Variants in WFDC1 observed in about 807,000 individuals in gnomAD.
The protein encoded by WFDC1 is WAP four-disulfide core domain 1, also known as WAP four-disulfide core domain protein 1.
A neutral mutation model predicts 32.9 loss-of-function variants in WFDC1; 39 were observed. The observed-to-expected ratio is 1.19, with a 90% CI of 0.92 to 1.55. WFDC1 has a LOEUF of 1.55. Among genes scored for constraint, WFDC1 ranks in the 40% most tolerant of loss-of-function variants. WFDC1 has a pLI of 0.00. For missense variants in WFDC1, 386 were observed against 309.5 expected (o/e 1.25, Z -1.85); for synonymous variants, 184 against 137.4 (o/e 1.34, Z -2.37).
At chr16:84,296,096 G>T (rs1221440635) in intron 1 of WFDC1, among the ~76,000 whole-genome samples, 1 of 152,172 alleles carries the variant, frequency 6.6e-6, no homozygotes, top group South Asian at 2.1e-4. Context: ...CCACCCCCCA[G>T]AGATCACAGA....
At chr16:84,308,320 C>G (rs1037919448) in intron 1 of WFDC1, among the ~76,000 whole-genome samples, 34 of 152,288 alleles carry the variant, frequency 2.2e-4, no homozygotes, top group African/African-American at 7.9e-4. Context: ...GTGCCCCCTG[C>G]AGGGCACTGG....
chr16:84,301,647 GC>G (rs1167284250), intron 1 of WFDC1, among the ~76,000 whole-genome samples: 3 of 152,206 alleles, frequency 2.0e-5, no homozygotes, highest in East Asian at 1.9e-4. Context: ...CTGCCTGGGT[GC>G]TGGAGAGAGG....
At chr16:84,297,921 G>A (rs1906705308) in intron 1 of WFDC1, among the ~76,000 whole-genome samples, 1 of 152,002 alleles carries the variant, frequency 6.6e-6, no homozygotes, top group Admixed American at 6.6e-5. Context: ...AGACTTCCCC[G>A]TGAGGCACCA....
rs1056241814 is a variant in WFDC1 at position 84,313,148 on chromosome 16, C to T, written c.332C>T (p.Pro111Leu). 4.9e-6 allele frequency: 7 copies of T among 1,431,064 alleles called. No homozygotes were observed. In the African/African-American group the frequency reaches 9.0e-5, roughly 18 times the overall value. 88.6% of individuals were successfully genotyped at this position (1,431,064 alleles called of 1,614,324 possible). A position where few individuals can be genotyped will look rare whatever the true frequency, so the allele number is the denominator to read the frequency against. Residue 111 changes from proline (P) to leucine (L), a missense_variant, in exon 2 of 7, where the codon CCG becomes CTG. Coordinates refer to ENST00000219454, the MANE Select transcript of WFDC1 (RefSeq NM_021197.4). ...AYACLEAVPP[P>L]PVLDWLVQPK... is the part of the protein sequence containing the mutation. ...GCCTGCCTAGAAGCTGTGCCGCCCC[C>T]GCCAGGTAGGTCCTGGGCCCGAGGG...
In WFDC1 at chr16:84,294,899, C is replaced by G; in HGVS notation, c.-73C>G. 6.4e-7 allele frequency: 1 copy of G among 1,562,558 alleles called. No homozygotes were observed. The highest frequency in any genetic ancestry group is 8.7e-7 in the Non-Finnish European group (1 of 1,155,326). ...CAGCAGACTGTGCACGCTCCTGTCC[C>G]CACTCACAGGCCCACGCAGCGAGGG... On this transcript the variant is annotated 5_prime_UTR_variant, in exon 1 of 7. Coordinates refer to ENST00000219454, the MANE Select transcript of WFDC1 (RefSeq NM_021197.4).
intron 4 of WFDC1, among the ~76,000 whole-genome samples, chr16:84,320,255 G>A (rs1237480153): frequency 3.3e-5 from 5 of 152,210 alleles, no homozygotes; most frequent in East Asian, 1.9e-4. Flanking sequence ...GCTCGGCTAA[G>A]GTATGGTGTT....
At chr16:84,312,794 CCTT>C (rs1291328481) in intron 1 of WFDC1, among the ~76,000 whole-genome samples, 164 bp from the exon 2 acceptor site, 1 of 152,194 alleles carries the variant, frequency 6.6e-6, no homozygotes, top group Non-Finnish European at 1.5e-5. Context: ...TATCTTCTGA[CCTT>C]CTGAGCCGCC....
chr16:84,306,427 AAG>A (rs1907262848), intron 1 of WFDC1, among the ~76,000 whole-genome samples: 1 of 152,188 alleles, frequency 6.6e-6, no homozygotes, highest in Non-Finnish European at 1.5e-5. Flanking sequence ...CAGTGTGCGG[AAG>A]CCTCCAAGGC....
chr16:84,298,093 T>TA (rs1906717755), intron 1 of WFDC1, among the ~76,000 whole-genome samples: 1 of 152,160 alleles, frequency 6.6e-6, no homozygotes, highest in South Asian at 2.1e-4. Flanking sequence ...AACTAAGTTA[T>TA]ATAAACTTAC....
intron 2 of WFDC1, among the ~76,000 whole-genome samples, chr16:84,314,287 G>GC (rs1376276652): frequency 8.5e-5 from 13 of 152,124 alleles, no homozygotes; most frequent in Non-Finnish European, 1.5e-4. Context: ...GACAGTAAGT[G>GC]GGGAGTAGGG....
intron 2 of WFDC1, among the ~76,000 whole-genome samples, chr16:84,315,640 A>T (rs1373341213): frequency 1.3e-5 from 2 of 152,212 alleles, no homozygotes; most frequent in East Asian, 3.8e-4. Context: ...CGTGCACTGT[A>T]GGATGGTCAG....
At chr16:84,303,815 C>T (rs559113706) in intron 1 of WFDC1, among the ~76,000 whole-genome samples, 7 of 152,180 alleles carry the variant, frequency 4.6e-5, no homozygotes, top group African/African-American at 1.7e-4. Flanking sequence ...AGCCATTAGC[C>T]GTCAGTCCTC....
intron 4 of WFDC1, among the ~76,000 whole-genome samples, chr16:84,323,035 G>A (rs1489183427): frequency 6.6e-6 from 1 of 152,166 alleles, no homozygotes; most frequent in Non-Finnish European, 1.5e-5. Flanking sequence ...GTCTCCTTGT[G>A]GTGTTATGGG....
intron 3 of WFDC1, 171 bp from the exon 4 acceptor site, chr16:84,319,260 G>A (rs1013493858): frequency 7.4e-5 from 59 of 799,206 alleles, no homozygotes; most frequent in Non-Finnish European, 8.6e-5. Context: ...GCCACATGCC[G>A]CTGAGTGAGA....
chr16:84,325,756 A>G (rs1294477643), intron 5 of WFDC1: 1 of 151,246 alleles, frequency 6.6e-6, no homozygotes, highest in Non-Finnish European at 1.5e-5. Context: ...CTATCTTTTC[A>G]TCTACCCATC....
intron 1 of WFDC1, among the ~76,000 whole-genome samples, chr16:84,303,745 T>C (rs893150439): frequency 1.3e-5 from 2 of 152,252 alleles, no homozygotes; most frequent in Non-Finnish European, 2.9e-5. Context: ...CTCAGAGTCA[T>C]GCAACCGTCC....
intron 4 of WFDC1, among the ~76,000 whole-genome samples, chr16:84,319,772 G>A (rs560744303): frequency 5.3e-5 from 8 of 152,096 alleles, no homozygotes; most frequent in Admixed American, 2.6e-4. Flanking sequence ...GCATGTGACC[G>A]AAGCTCTTGA....
At position 84,329,744 on chromosome 16, in the gene WFDC1, T is replaced by C. The variant is rs986682595; in HGVS notation, c.*438T>C. 6.6e-6 allele frequency: 1 copy of C among 152,228 alleles called. No homozygotes were observed. Among genetic ancestry groups the C allele is most frequent in the Non-Finnish European group, 1.5e-5 (1 of 68,046 alleles). The allele number at this position is 152,228 out of a possible 1,614,324, so 9.4% of individuals were successfully genotyped here. A position where few individuals can be genotyped will look rare whatever the true frequency, so the allele number is the denominator to read the frequency against. ...CTTCAGGAAATGGAAATGAACTTGCTTACTAATGTGTGATTCCTAGTTGTA... is the reference window on the plus strand; with the variant it reads ...CTTCAGGAAATGGAAATGAACTTGCCTACTAATGTGTGATTCCTAGTTGTA... On this transcript the variant is annotated 3_prime_UTR_variant, in exon 7 of 7. Transcript: ENST00000219454.
Position 84,313,048 on chromosome 16 carries a change from T to C in WFDC1, c.232T>C (p.Cys78Arg). ...TCCGCGGACGCTGCCCCCCGGCGCC[T>C]GCCAGGCCGCGCGCTGTCAGGCGGA... Reference protein sequence around the residue: ...PPPRTLPPGACQAARCQADSE... With the variant: ...PPPRTLPPGARQAARCQADSE... Residue 78 changes from cysteine to arginine, a missense_variant, in exon 2 of 7, where the codon TGC becomes CGC. Coordinates refer to ENST00000219454, the MANE Select transcript of WFDC1 (RefSeq NM_021197.4). 7.2e-7 allele frequency: 1 copy of C among 1,379,890 alleles called. No individual in the cohort carries two copies. 85.5% of individuals were successfully genotyped at this position (1,379,890 alleles called of 1,614,324 possible).
Sources: gnomAD v4.1 joint callset for allele counts (sites outside exome capture counted in the v4.1 genomes callset) on GRCh38, gnomAD v4.1.1 for gene constraint, MANE v1.5 for transcripts, NCBI Gene and HGNC (gene_info 2026-07-23, HGNC 2026-07-21) for gene names.